Variants in HPSE2 observed in about 807,000 individuals in gnomAD.
The protein encoded by HPSE2 is heparanase 2 (inactive).
Under a neutral mutation model 60.5 loss-of-function variants are expected in HPSE2, and 38 were observed. The ratio of observed to expected loss-of-function variants is 0.63; its 90% confidence interval spans 0.48 to 0.82. The LOEUF is 0.82. Among genes scored for constraint, HPSE2 ranks in the 40% least tolerant of loss-of-function variants. The pLI, the probability that HPSE2 is intolerant of heterozygous loss-of-function variation, is 0.00. For synonymous variants in HPSE2, 295 were observed against 293.2 expected (o/e 1.01, Z -0.06); for missense variants, 713 against 740.4 (o/e 0.96, Z 0.43).
At chr10:99,282,554 A>T in the HPSE2 span, among the ~76,000 whole-genome samples, 53 of 152,210 alleles carry the variant, frequency 3.5e-4, no homozygotes, top group African/African-American at 1.3e-3. Context: ...CTACCCAACA[A>T]TAACAGAACG....
At chr10:99,054,747 G>T (rs913215854) in intron 3 of HPSE2, among the ~76,000 whole-genome samples, 1 of 152,186 alleles carries the variant, frequency 6.6e-6, no homozygotes, top group Admixed American at 6.5e-5. Context: ...GTCTCGCACT[G>T]TGGCCCAGGC....
At chr10:98,676,846 A>T (rs1947656453) in intron 6 of HPSE2, among the ~76,000 whole-genome samples, 1 of 151,806 alleles carries the variant, frequency 6.6e-6, no homozygotes, top group South Asian at 2.1e-4. Flanking sequence ...CTCTTTCTTA[A>T]AACAAATCAC....
intron 3 of HPSE2, among the ~76,000 whole-genome samples, chr10:99,008,741 C>G (rs762926662): frequency 1.3e-5 from 2 of 151,960 alleles, no homozygotes; most frequent in Non-Finnish European, 2.9e-5. Context: ...ATACAGAAAC[C>G]CTCAAGTCCA....
chr10:98,502,766 T>C (rs1942067956), intron 9 of HPSE2, among the ~76,000 whole-genome samples: 1 of 152,084 alleles, frequency 6.6e-6, no homozygotes, highest in Non-Finnish European at 1.5e-5. Flanking sequence ...ACAGACAATC[T>C]ATACATCTGT....
In HPSE2 at chr10:99,235,497, G is replaced by T; in HGVS notation, c.290+16C>A. ...ACTAAAAAATTTTAAATGATCCATC[G>T]AAACCCCTGCCTTACCTTAGGAAAT... is the stretch of plus-strand genomic sequence containing the variant. On this transcript the variant is annotated intron_variant, in intron 1 of 11. Transcript: ENST00000370552. The T allele has an allele frequency of 6.2e-7, 1 of 1,613,764 alleles. No individual in the cohort carries two copies. The highest frequency in any genetic ancestry group is 8.5e-7 in the Non-Finnish European group (1 of 1,179,846).
chr10:98,593,511 A>C (rs1360559507), intron 9 of HPSE2, among the ~76,000 whole-genome samples: 2 of 152,170 alleles, frequency 1.3e-5, no homozygotes, highest in Admixed American at 6.5e-5. Context: ...TGTGGAAGAC[A>C]GATTGGAAGT....
Position 98,937,491 on chromosome 10 carries a change from A to T in HPSE2, c.611-193435T>A, listed in dbSNP as rs1420550050. Reference sequence around the variant, plus strand: ...ACGGAGTCTCGCTGATTGCTAGCACAGCAGTCTGAGATCAAACTGCAAGGC... The same window carrying T: ...ACGGAGTCTCGCTGATTGCTAGCACTGCAGTCTGAGATCAAACTGCAAGGC... On this transcript the variant is annotated intron_variant, in intron 3 of 11. Transcript: ENST00000370552. Among the ~76,000 whole-genome samples, 3 of 144,242 alleles carry T rather than the reference A, an allele frequency of 2.1e-5. 1 individual carries two copies. Among genetic ancestry groups the T allele is most frequent in the African/African-American group, 8.4e-5 (3 of 35,618 alleles). 94.6% of individuals were successfully genotyped at this position (144,242 alleles called of 152,430 possible). A position where few individuals can be genotyped will look rare whatever the true frequency, so the allele number is the denominator to read the frequency against.
chr10:99,093,934 CTA>C (rs1434523171), intron 3 of HPSE2, among the ~76,000 whole-genome samples: 70 of 152,282 alleles, frequency 4.6e-4, no homozygotes, highest in Non-Finnish European at 6.2e-4. Context: ...CAAACACATA[CTA>C]TGTGTATAGA....
intron 7 of HPSE2, among the ~76,000 whole-genome samples, chr10:98,639,381 T>G (rs1467953386): frequency 6.6e-6 from 1 of 152,148 alleles, no homozygotes. Context: ...ATAATCAGAA[T>G]AGGAGCCCTG....
intron 3 of HPSE2, among the ~76,000 whole-genome samples, chr10:99,124,197 T>C (rs1445829093): frequency 2.6e-5 from 4 of 152,164 alleles, no homozygotes; most frequent in Non-Finnish European, 5.9e-5. Context: ...TCATCCTGAT[T>C]TCTGCCTGAG....
chr10:98,623,291 A>G (rs1305902923), intron 7 of HPSE2, among the ~76,000 whole-genome samples: 1 of 152,170 alleles, frequency 6.6e-6, no homozygotes, highest in Non-Finnish European at 1.5e-5. Context: ...GACAATAAGT[A>G]GACTAATGGT....
chr10:99,103,684 T>G (rs7074633), intron 3 of HPSE2, among the ~76,000 whole-genome samples: 101,925 of 152,008 alleles, frequency 0.67, 37,651 homozygotes, highest in Non-Finnish European at 0.81. Context: ...AAGACAATCC[T>G]AAGCCAAAAG....
At chr10:98,942,943 A>T (rs12217773) in intron 3 of HPSE2, among the ~76,000 whole-genome samples, 1 of 152,032 alleles carries the variant, frequency 6.6e-6, no homozygotes, top group East Asian at 1.9e-4. Flanking sequence ...GACATGGATG[A>T]AATTGGAAAT....
the HPSE2 span, among the ~76,000 whole-genome samples, chr10:99,256,510 C>T: frequency 3.3e-5 from 5 of 149,750 alleles, no homozygotes; most frequent in South Asian, 6.5e-4. Flanking sequence ...GTCTGATATT[C>T]CGTTAGCACA....
chr10:98,793,116 T>C (rs1950694671), intron 3 of HPSE2, among the ~76,000 whole-genome samples: 1 of 152,202 alleles, frequency 6.6e-6, no homozygotes, highest in Admixed American at 6.5e-5. Flanking sequence ...CAGGGATGTA[T>C]CTATTGCTCT....
chr10:98,484,732 A>G (rs1198331010), intron 10 of HPSE2, among the ~76,000 whole-genome samples: 1 of 152,356 alleles, frequency 6.6e-6, no homozygotes, highest in African/African-American at 2.4e-5. Flanking sequence ...CTACCTCAAG[A>G]TTATAAAACT....
intron 9 of HPSE2, among the ~76,000 whole-genome samples, chr10:98,581,507 T>C (rs1305688683): frequency 6.6e-6 from 1 of 152,162 alleles, no homozygotes. Context: ...TATATATTTT[T>C]ACTATTAGTT....
At chr10:98,659,182 C>T (rs1385991710) in intron 6 of HPSE2, among the ~76,000 whole-genome samples, 1 of 152,062 alleles carries the variant, frequency 6.6e-6, no homozygotes, top group Non-Finnish European at 1.5e-5. Context: ...ATACATTCAT[C>T]CCTCAGTATA....
intron 3 of HPSE2, among the ~76,000 whole-genome samples, chr10:98,753,684 G>C (rs1949811848): frequency 6.6e-6 from 1 of 152,152 alleles, no homozygotes; most frequent in African/African-American, 2.4e-5. Flanking sequence ...GGGGCCGGAG[G>C]ACAAAGCCTT....
Sources: gnomAD v4.1 joint callset for allele counts (sites outside exome capture counted in the v4.1 genomes callset) on GRCh38, gnomAD v4.1.1 for gene constraint, MANE v1.5 for transcripts, NCBI Gene and HGNC (gene_info 2026-07-23, HGNC 2026-07-21) for gene names.